Variants in SATB2 observed in about 807,000 individuals in gnomAD.
SATB2 encodes DNA-binding protein SATB2.
In SATB2, 1 loss-of-function variant was observed where a neutral mutation model predicts 73.4. The observed-to-expected ratio is 0.01, with a 90% CI of 0.00 to 0.06. The LOEUF is 0.06. SATB2 is among the 10% of genes least tolerant of loss of function. SATB2 has a pLI of 1.00. For missense variants in SATB2, 459 were observed against 945.8 expected (o/e 0.49, Z 6.75); for synonymous variants, 397 against 367.0 (o/e 1.08, Z -0.93).
At chr2:199,438,368 G>C (rs1047259172) in intron 2 of SATB2, among the ~76,000 whole-genome samples, 1 of 152,142 alleles carries the variant, frequency 6.6e-6, no homozygotes, top group Non-Finnish European at 1.5e-5. Context: ...TGTGACTGTC[G>C]TGAGCCCTTT....
At position 199,329,055 on chromosome 2, in the gene SATB2, C is replaced by T. The variant is rs1688114510; in HGVS notation, c.1174-145G>A. On this transcript the variant is annotated intron_variant, in intron 7 of 10. Coordinates refer to ENST00000417098, the MANE Select transcript of SATB2 (RefSeq NM_001172509.2). ...CCTCACACTAATTCCTTAGGGTTCT[C>T]CGATATGAAGTCAATGTGCTTGCCT... 5.7e-6 allele frequency: 4 copies of T among 707,312 alleles called. No individual in the cohort carries two copies. The Admixed American group carries it at 6.1e-5, about 11-fold the overall frequency. The allele number at this position is 707,312 out of a possible 1,614,324, so 43.8% of individuals were successfully genotyped here.
intron 3 of SATB2, among the ~76,000 whole-genome samples, chr2:199,388,702 A>G (rs1690031415): frequency 6.6e-6 from 1 of 152,180 alleles, no homozygotes; most frequent in Non-Finnish European, 1.5e-5. Flanking sequence ...TAGCTTTAAT[A>G]TCCAAAGGCT....
chr2:199,439,409 C>T (rs1168752160), intron 2 of SATB2, among the ~76,000 whole-genome samples: 1 of 152,224 alleles, frequency 6.6e-6, no homozygotes, highest in Non-Finnish European at 1.5e-5. Flanking sequence ...GAGCCTGCAG[C>T]TTATCTAGTT....
rs1180696859 is a variant in SATB2, at chr2:199,272,403, C to T, written c.2010G>A (p.Val670=). 1.9e-6 allele frequency: 3 copies of T among 1,614,174 alleles called. No homozygotes were observed. The highest frequency in any genetic ancestry group is 2.5e-6 in the Non-Finnish European group (3 of 1,180,024). The part of the protein sequence containing the change: ...IKFFQNQRYH[V]KHHGKLKEHL... ...GCTCTTTCAGCTTCCCGTGGTGCTT[C>T]ACGTGGTACCGCTGGTTCTGGAAGA... The change falls in exon 11 of 11, where the codon GTG becomes GTA. Residue 670 remains valine, a synonymous_variant. Transcript: ENST00000417098. This position sits in a 1 kb window ranked among gnomAD's most constrained non-coding sequence, Gnocchi z 6.7.
chr2:199,458,589 T>C, upstream of SATB2: 1 of 431,016 alleles, frequency 2.3e-6, no homozygotes, highest in Non-Finnish European at 4.6e-6. Context: ...GGCGCACTCG[T>C]CCCGGCGCGG....
chr2:199,424,937 C>T (rs564963887), intron 3 of SATB2, among the ~76,000 whole-genome samples: 7 of 152,282 alleles, frequency 4.6e-5, no homozygotes, highest in Admixed American at 3.3e-4. Context: ...AGTGCTTTAA[C>T]GAATGTGTTT....
intron 7 of SATB2, among the ~76,000 whole-genome samples, chr2:199,338,209 CA>C (rs531387464): frequency 2.0e-5 from 3 of 150,586 alleles, no homozygotes; most frequent in Non-Finnish European, 4.4e-5. Flanking sequence ...ATTAAAAATA[CA>C]AAAAAAAATT....
At chr2:199,347,216 T>A (rs1259225909) in intron 7 of SATB2, 1 of 152,194 alleles carries the variant, frequency 6.6e-6, no homozygotes, top group East Asian at 1.9e-4. Flanking sequence ...CATTCCTGTA[T>A]TTTCCAAATT....
chr2:199,418,286 G>A (rs1050483521), intron 3 of SATB2, among the ~76,000 whole-genome samples: 5 of 152,090 alleles, frequency 3.3e-5, no homozygotes, highest in Non-Finnish European at 5.9e-5. Context: ...AGTCCACAAC[G>A]CCTAACCACT....
At chr2:199,327,864 C>T (rs1688074324) in intron 8 of SATB2, among the ~76,000 whole-genome samples, 1 of 152,164 alleles carries the variant, frequency 6.6e-6, no homozygotes, top group African/African-American at 2.4e-5. Context: ...TCATTCTGAT[C>T]TGGACACTGC....
intron 2 of SATB2, among the ~76,000 whole-genome samples, chr2:199,436,673 G>A (rs1022995981): frequency 6.6e-6 from 1 of 152,004 alleles, no homozygotes; most frequent in Non-Finnish European, 1.5e-5. Context: ...AGGAAAAATA[G>A]ATGCAATTAC....
intron 3 of SATB2, among the ~76,000 whole-genome samples, chr2:199,404,276 G>A (rs1453996318): frequency 2.0e-5 from 3 of 152,128 alleles, no homozygotes; most frequent in Admixed American, 2.0e-4. Flanking sequence ...GGACCTACTC[G>A]CTCTCATTTA....
intron 3 of SATB2, among the ~76,000 whole-genome samples, chr2:199,383,923 T>C (rs1020998068): frequency 1.3e-5 from 2 of 152,224 alleles, no homozygotes; most frequent in African/African-American, 4.8e-5. Flanking sequence ...GGGCATTACA[T>C]AGGCAGGGAC....
At chr2:199,384,141 C>T (rs1689860143) in intron 3 of SATB2, among the ~76,000 whole-genome samples, 1 of 152,140 alleles carries the variant, frequency 6.6e-6, no homozygotes, top group Admixed American at 6.6e-5. Context: ...ATTCTTACCC[C>T]ACCTTGATGA....
intron 7 of SATB2, among the ~76,000 whole-genome samples, chr2:199,340,410 T>A (rs1224348365): frequency 1.3e-5 from 2 of 152,202 alleles, no homozygotes; most frequent in African/African-American, 4.8e-5. Context: ...TCTACAACTT[T>A]TTCAATGAAC....
intron 3 of SATB2, among the ~76,000 whole-genome samples, chr2:199,427,625 G>A (rs1205700893): frequency 6.6e-6 from 1 of 152,020 alleles, no homozygotes; most frequent in Non-Finnish European, 1.5e-5. Flanking sequence ...TGAGAAGTGG[G>A]TAGGGAAAGA....
rs1301274504 is a variant in SATB2, at chr2:199,464,111, G to A, written c.-141+725C>T. Among the ~76,000 whole-genome samples, 1 of 152,160 alleles carries A rather than the reference G, an allele frequency of 6.6e-6. No individual in the cohort carries two copies. The highest frequency in any genetic ancestry group is 1.5e-5 in the Non-Finnish European group (1 of 68,028). On this transcript the variant is annotated intron_variant, in intron 1 of 11. Transcript: ENST00000260926. The surrounding 1 kb of genome is among the most constrained non-coding windows in gnomAD (Gnocchi z 6.6). ...GCCAACTTAGAGGGCTTCCCGAGCT[G>A]GCGCCTCGCCTGTTTTCTCGGTATC...
intron 7 of SATB2, among the ~76,000 whole-genome samples, chr2:199,338,930 A>AG (rs1192508221): frequency 6.6e-6 from 1 of 151,524 alleles, no homozygotes; most frequent in Admixed American, 6.6e-5. Context: ...AAAAAAAAAA[A>AG]AAAAAAGAAA....
intron 1 of SATB2, among the ~76,000 whole-genome samples, chr2:199,456,468 A>G (rs944007986): frequency 6.6e-6 from 1 of 152,350 alleles, no homozygotes; most frequent in East Asian, 1.9e-4. Context: ...GGAATAAGTG[A>G]ACTTCAGAAA....
Sources: allele counts gnomAD v4.1 joint callset (sites outside exome capture counted in the v4.1 genomes callset), GRCh38; gene constraint gnomAD v4.1.1; non-coding constraint Gnocchi (gnomAD v3.1); transcripts MANE v1.5; gene names NCBI Gene and HGNC (gene_info 2026-07-23, HGNC 2026-07-21).